The following HRH1 variants were observed in gnomAD, a reference collection of about 807,000 sequenced individuals.
HRH1 encodes histamine H1 receptor.
HRH1 carries 6 observed loss-of-function variants against 10.3 expected under a neutral mutation model. The observed-to-expected ratio is 0.58, with a 90% CI of 0.32 to 1.15. HRH1 has a LOEUF of 1.15. Among genes scored for constraint, HRH1 ranks in the 50% most tolerant of loss-of-function variants. The pLI, the probability that HRH1 is intolerant of heterozygous loss-of-function variation, is 0.05. For missense variants in HRH1, 514 were observed against 615.3 expected, an observed-to-expected ratio of 0.84 and a Z score of 1.74; for synonymous variants, 242 against 236.7, an observed-to-expected ratio of 1.02 and a Z score of -0.21.
At chr3:11,242,747 G>A (rs559788097) in intron 1 of HRH1, among the ~76,000 whole-genome samples, 2 of 152,064 alleles carry the variant, frequency 1.3e-5, no homozygotes, top group African/African-American at 4.8e-5. Context: ...AAGTGTTCAG[G>A]GAAAAGTAGA....
chr3:11,259,101 A>G lies in HRH1; in HGVS notation c.64A>G (p.Met22Val), dbSNP rs138669404. Residue 22 changes from methionine to valine, a missense_variant, in exon 2 of 2, where the codon ATG becomes GTG. Transcript: ENST00000431010. The surrounding 1 kb of genome is among the most constrained non-coding windows in gnomAD (Gnocchi z 4.6). ...DKMCEGNKTT[M>V]ASPQLMPLVV... ...GATGTGTGAGGGCAACAAGACCACT[A>G]TGGCCAGCCCCCAGCTGATGCCCCT... 1.9e-5 allele frequency: 30 copies of G among 1,613,876 alleles called. No homozygotes were observed. The African/African-American group carries it at 3.6e-4, about 19-fold the overall frequency.
chr3:11,171,148 A>T, intron 1 of HRH1, among the ~76,000 whole-genome samples: 1 of 140,180 alleles, frequency 7.1e-6, no homozygotes. Flanking sequence ...AGACAGTCTC[A>T]CTCTGTTGCC....
intron 1 of HRH1, among the ~76,000 whole-genome samples, chr3:11,208,167 T>G (rs1938205501): frequency 7.0e-6 from 1 of 143,364 alleles, no homozygotes; most frequent in Non-Finnish European, 1.5e-5. Flanking sequence ...TTTTTTTTTT[T>G]TTTGAGACAG....
At chr3:11,250,817 G>T (rs1038204357) in intron 1 of HRH1, among the ~76,000 whole-genome samples, 2 of 152,146 alleles carry the variant, frequency 1.3e-5, no homozygotes, top group African/African-American at 4.8e-5. Flanking sequence ...GTGGATGCAC[G>T]GCATGTGGTA....
At chr3:11,235,325 A>C (rs1575033250) in intron 1 of HRH1, among the ~76,000 whole-genome samples, 2 of 152,304 alleles carry the variant, frequency 1.3e-5, no homozygotes, top group Admixed American at 1.3e-4. Context: ...TCATATTTAA[A>C]TCTCCTGATT....
intron 1 of HRH1, among the ~76,000 whole-genome samples, chr3:11,183,615 T>C (rs545565989): frequency 6.6e-6 from 1 of 152,290 alleles, no homozygotes; most frequent in South Asian, 2.1e-4. Flanking sequence ...GGCGGCGGCA[T>C]GCATGTACAT....
At chr3:11,235,121 AG>A (rs1347206680) in intron 1 of HRH1, among the ~76,000 whole-genome samples, 2 of 152,002 alleles carry the variant, frequency 1.3e-5, no homozygotes, top group Admixed American at 1.3e-4. Context: ...AGGCTGAGGC[AG>A]GAGAATAGCT....
Position 11,259,943 on chromosome 3 carries a change from C to T in HRH1, c.906C>T (p.Cys302=). ...EDDREVDKLY[C]FPLDIVHMQA... ...ATAGAGAAGTAGACAAACTCTACTG[C>T]TTTCCACTTGATATTGTGCACATGC... Residue 302 remains cysteine, a synonymous_variant, in exon 2 of 2, where the codon TGC becomes TGT. Coordinates refer to ENST00000431010, the MANE Select transcript of HRH1 (RefSeq NM_001098212.2). The surrounding 1 kb of genome is among the most constrained non-coding windows in gnomAD (Gnocchi z 4.6). The T allele has an allele frequency of 1.2e-6, 2 of 1,614,196 alleles. No individual in the cohort carries two copies. Among genetic ancestry groups the T allele is most frequent in the Non-Finnish European group, 8.5e-7 (1 of 1,180,028 alleles).
chr3:11,194,282 T>A (rs935343928), intron 1 of HRH1, among the ~76,000 whole-genome samples: 1 of 152,118 alleles, frequency 6.6e-6, no homozygotes, highest in Non-Finnish European at 1.5e-5. Context: ...CTGTATGCAT[T>A]TGAGCAAGTT....
At chr3:11,199,620 C>T (rs1423782338) in intron 1 of HRH1, among the ~76,000 whole-genome samples, 1 of 152,214 alleles carries the variant, frequency 6.6e-6, no homozygotes, top group Non-Finnish European at 1.5e-5. Context: ...CTGTTCCCCT[C>T]CTAGGCAGAG....
At chr3:11,195,339 G>A (rs1334827962) in intron 1 of HRH1, among the ~76,000 whole-genome samples, 1 of 152,198 alleles carries the variant, frequency 6.6e-6, no homozygotes, top group Non-Finnish European at 1.5e-5. Context: ...CTGCCAACGT[G>A]AGGAGAAACC....
chr3:11,151,505 G>A (rs1936622105), upstream of HRH1, among the ~76,000 whole-genome samples: 1 of 134,990 alleles, frequency 7.4e-6, no homozygotes, highest in East Asian at 2.3e-4. Flanking sequence ...TTTTGGGGGG[G>A]CGGTGGTGGT....
intron 1 of HRH1, among the ~76,000 whole-genome samples, chr3:11,197,994 C>G (rs563363281): frequency 6.6e-6 from 1 of 152,080 alleles, no homozygotes; most frequent in Admixed American, 6.5e-5. Flanking sequence ...GCTTGTTGTT[C>G]GGCATCATTT....
chr3:11,214,770 C>T (rs1294113980), intron 1 of HRH1, among the ~76,000 whole-genome samples: 1 of 152,210 alleles, frequency 6.6e-6, no homozygotes, highest in Non-Finnish European at 1.5e-5. Context: ...GGGGAGGCAG[C>T]ATAGGTTTCA....
At chr3:11,238,514 A>G (rs1278919221) in intron 1 of HRH1, among the ~76,000 whole-genome samples, 1 of 152,240 alleles carries the variant, frequency 6.6e-6, no homozygotes, top group Non-Finnish European at 1.5e-5. Flanking sequence ...CTCTTTCTTC[A>G]TCCACTGAAA....
At chr3:11,230,666 T>A (rs1342331283) in intron 1 of HRH1, among the ~76,000 whole-genome samples, 1 of 152,142 alleles carries the variant, frequency 6.6e-6, no homozygotes, top group Non-Finnish European at 1.5e-5. Context: ...CTTATTTGCA[T>A]ATGAAGGTTT....
chr3:11,208,463 T>C (rs1938215681), intron 1 of HRH1, among the ~76,000 whole-genome samples: 1 of 152,180 alleles, frequency 6.6e-6, no homozygotes, highest in Non-Finnish European at 1.5e-5. Context: ...CTCTAGTTTT[T>C]TGTTTTTTGA....
rs139817781 is a variant in HRH1 at position 11,206,257 on chromosome 3, A to G, written c.-36+51703A>G. Among the ~76,000 whole-genome samples, 563 of 152,320 alleles carry G rather than the reference A, an allele frequency of 3.7e-3. 2 individuals are homozygous for G. The highest frequency in any genetic ancestry group is 0.014 in the Middle Eastern group (4 of 294). On this transcript the variant is annotated intron_variant, in intron 1 of 1. Coordinates refer to ENST00000431010, the MANE Select transcript of HRH1 (RefSeq NM_001098212.2). ...AGCCTCCCGAGGAGTAGCCGGGACT[A>G]CAGGCACACGCCAACACGCCTGGCT...
intron 1 of HRH1, among the ~76,000 whole-genome samples, chr3:11,239,033 G>GTGGAATCACTGA: frequency 6.6e-6 from 1 of 152,218 alleles, no homozygotes; most frequent in East Asian, 1.9e-4. Context: ...ATATCTAGGT[G>GTGGAATCACTGA]TGGAATCACT....
Sources: allele counts gnomAD v4.1 joint callset (sites outside exome capture counted in the v4.1 genomes callset), GRCh38; gene constraint gnomAD v4.1.1; non-coding constraint Gnocchi (gnomAD v3.1); transcripts MANE v1.5; gene names NCBI Gene and HGNC (gene_info 2026-07-23, HGNC 2026-07-21).